Variants in WWC2 observed in about 807,000 individuals in gnomAD.
WWC2 encodes protein WWC2.
In WWC2, 101 loss-of-function variants were observed where a neutral mutation model predicts 138.5. The ratio of observed to expected loss-of-function variants is 0.73; its 90% CI spans 0.62 to 0.86. The LOEUF is 0.86. WWC2 is among the 40% of genes least tolerant of loss of function. The pLI is 0.00. For synonymous variants in WWC2, 558 were observed against 538.4 expected (o/e 1.04, Z -0.50); for missense variants, 1,420 against 1,419.4 (o/e 1.00, Z -0.01).
At chr4:183,170,380 G>C (rs1036875995) in intron 1 of WWC2, among the ~76,000 whole-genome samples, 8 of 152,196 alleles carry the variant, frequency 5.3e-5, no homozygotes, top group Non-Finnish European at 1.0e-4. Context: ...CCTGACAACA[G>C]TTTCAGGGGC....
intron 1 of WWC2, among the ~76,000 whole-genome samples, chr4:183,106,754 A>T (rs1048953858): frequency 9.2e-5 from 14 of 152,110 alleles, no homozygotes; most frequent in African/African-American, 2.9e-4. Context: ...CATTTATTGT[A>T]CTACTGCATC....
At position 183,229,143 on chromosome 4, in the gene WWC2, G is replaced by T. The variant is rs192590925; in HGVS notation, c.523-11040G>T. ...TTCTTCAGCTGTTGGCCATTACCTG[G>T]CTGTTGCTACTTCGAGGACACTCGC... is the stretch of plus-strand genomic sequence containing the variant. On this transcript the variant is annotated intron_variant, in intron 4 of 22. Coordinates refer to ENST00000403733, the MANE Select transcript of WWC2 (RefSeq NM_024949.6). 2.2e-3 allele frequency among the ~76,000 whole-genome samples: 331 copies of T among 152,152 alleles called. 1 individual carries two copies. The highest frequency in any genetic ancestry group is 1.9e-3 in the Non-Finnish European group (130 of 68,020).
At chr4:183,288,944 C>T (rs1738342828) in intron 20 of WWC2, among the ~76,000 whole-genome samples, 1 of 152,228 alleles carries the variant, frequency 6.6e-6, no homozygotes, top group African/African-American at 2.4e-5. Flanking sequence ...ATTTATTACA[C>T]TAGGCGGGCT....
chr4:183,214,973 T>C (rs530335359), intron 4 of WWC2, among the ~76,000 whole-genome samples: 4 of 152,178 alleles, frequency 2.6e-5, no homozygotes, highest in Non-Finnish European at 4.4e-5. Flanking sequence ...AACACCAAAC[T>C]GTAGATAAGG....
intron 21 of WWC2, among the ~76,000 whole-genome samples, chr4:183,292,828 G>A (rs1158853499): frequency 1.3e-5 from 2 of 152,088 alleles, no homozygotes; most frequent in African/African-American, 4.8e-5. Flanking sequence ...CGCAGGCCAG[G>A]CCAGTTTCAT....
intron 2 of WWC2, among the ~76,000 whole-genome samples, chr4:183,198,679 C>T (rs1188510355): frequency 6.8e-6 from 1 of 146,892 alleles, no homozygotes; most frequent in African/African-American, 2.5e-5. Flanking sequence ...TGAAGCTGAG[C>T]ATGGTAGCTC....
intron 1 of WWC2, among the ~76,000 whole-genome samples, chr4:183,182,346 C>T (rs1161732402): frequency 6.6e-6 from 1 of 152,194 alleles, no homozygotes; most frequent in Admixed American, 6.5e-5. Flanking sequence ...ATGAAATTGA[C>T]TGGCTGTGTG....
chr4:183,310,410 T>G (rs796074345), intron 21 of WWC2, among the ~76,000 whole-genome samples: 48 of 152,292 alleles, frequency 3.2e-4, no homozygotes, highest in African/African-American at 1.0e-3. Context: ...AGGTTTAACC[T>G]GAGAAAAAAA....
chr4:183,266,078 T>A, intron 14 of WWC2, 127 bp downstream of exon 14: 1 of 808,736 alleles, frequency 1.2e-6, no homozygotes, highest in Non-Finnish European at 1.9e-6. Context: ...TGATCATGTC[T>A]AAATGAATGG....
chr4:183,134,990 G>C (rs1457677685), intron 1 of WWC2, among the ~76,000 whole-genome samples: 1 of 151,746 alleles, frequency 6.6e-6, no homozygotes, highest in Non-Finnish European at 1.5e-5. Context: ...GGAGTGCAGT[G>C]GCACGATCTT....
intron 1 of WWC2, among the ~76,000 whole-genome samples, chr4:183,173,115 G>A (rs4376187): frequency 0.98 from 149,466 of 152,070 alleles, 73,501 homozygotes; most frequent in Middle Eastern, 1. Context: ...TATAATCACA[G>A]CTCACTGCAG....
intron 1 of WWC2, among the ~76,000 whole-genome samples, chr4:183,165,535 A>G (rs1734107937): frequency 6.6e-6 from 1 of 152,180 alleles, no homozygotes; most frequent in African/African-American, 2.4e-5. Flanking sequence ...TTTTGAAGGC[A>G]GTTTAAGGAA....
At chr4:183,172,553 C>CTTGTTTTTTTTTTTTTTTTTTTTTTT (rs1406787171) in intron 1 of WWC2, among the ~76,000 whole-genome samples, 2 of 119,508 alleles carry the variant, frequency 1.7e-5, no homozygotes, top group Non-Finnish European at 1.8e-5. Flanking sequence ...TTTTATGTTT[C>CTTGTTTTTTTTTTTTTTTTTTTTTTT]TTGTTTTTTT....
intron 17 of WWC2, 127 bp downstream of exon 17, chr4:183,281,024 G>A (rs748858081): frequency 2.0e-5 from 27 of 1,350,810 alleles, no homozygotes; most frequent in Non-Finnish European, 2.3e-5. Context: ...TCAGGAAGCT[G>A]TGCTAGGAAA....
chr4:183,145,899 G>C (rs1436402738), intron 1 of WWC2, among the ~76,000 whole-genome samples: 3 of 152,092 alleles, frequency 2.0e-5, no homozygotes, highest in Non-Finnish European at 4.4e-5. Context: ...TCTTATACTT[G>C]TTTGAGATCA....
intron 19 of WWC2, 105 bp downstream of exon 19, chr4:183,284,495 G>A (rs1464349851): frequency 2.4e-6 from 3 of 1,267,866 alleles, no homozygotes; most frequent in Non-Finnish European, 3.2e-6. Flanking sequence ...GAGTCCACAT[G>A]ACAACGACAA....
At chr4:183,100,377 T>A (rs1156231921) in intron 1 of WWC2, among the ~76,000 whole-genome samples, 1 of 152,270 alleles carries the variant, frequency 6.6e-6, no homozygotes, top group Non-Finnish European at 1.5e-5. Context: ...TTTAAATTGG[T>A]TCAGGAACTG....
chr4:183,293,877 A>G (rs898229607), intron 21 of WWC2, among the ~76,000 whole-genome samples: 20 of 152,324 alleles, frequency 1.3e-4, no homozygotes, highest in African/African-American at 2.2e-4. Context: ...TAAACCGTAC[A>G]GTATAGAGAA....
chr4:183,220,967 T>C (rs1173782444), intron 4 of WWC2, among the ~76,000 whole-genome samples: 1 of 151,916 alleles, frequency 6.6e-6, no homozygotes, highest in Non-Finnish European at 1.5e-5. Flanking sequence ...AAAGCTAATA[T>C]ACTAAATGTA....
Sources: gnomAD v4.1 joint callset for allele counts (sites outside exome capture counted in the v4.1 genomes callset) on GRCh38, gnomAD v4.1.1 for gene constraint, MANE v1.5 for transcripts, NCBI Gene and HGNC (gene_info 2026-07-23, HGNC 2026-07-21) for gene names.